PAFAH1B1: variants seen among roughly 807,000 people sequenced by gnomAD.
PAFAH1B1 encodes platelet-activating factor acetylhydrolase IB subunit beta.
A neutral mutation model predicts 57.5 loss-of-function variants in PAFAH1B1; 2 were observed. The observed-to-expected ratio is 0.03, with a 90% CI of 0.01 to 0.11. The LOEUF (loss-of-function observed/expected upper bound fraction) is 0.11. Ranked by LOEUF, PAFAH1B1 falls within the 10% of genes least tolerant of loss-of-function variation. The pLI, the probability that PAFAH1B1 is intolerant of heterozygous loss-of-function variation, is 1.00. For synonymous variants in PAFAH1B1, 152 were observed against 169.6 expected (o/e 0.90, Z 0.81); for missense variants, 257 against 512.0 (o/e 0.50, Z 4.81).
intron 1 of PAFAH1B1, among the ~76,000 whole-genome samples, chr17:2,631,416 A>G (rs1266474): frequency 0.02 from 2,991 of 152,122 alleles, 105 homozygotes; most frequent in East Asian, 0.15. Context: ...GATGGTTACA[A>G]AATTTGGCTA....
chr17:2,634,758 C>T (rs1482163942), intron 1 of PAFAH1B1, among the ~76,000 whole-genome samples: 4 of 152,016 alleles, frequency 2.6e-5, no homozygotes, highest in Non-Finnish European at 5.9e-5. Context: ...TTTGCTTGCT[C>T]AGCTTCGTCC....
At chr17:2,679,646 A>T (rs564415714) in intron 9 of PAFAH1B1, 1 of 154,568 alleles carries the variant, frequency 6.5e-6, no homozygotes, top group Non-Finnish European at 1.4e-5. Flanking sequence ...GGATGGATGG[A>T]TGGATGGATG....
intron 1 of PAFAH1B1, among the ~76,000 whole-genome samples, chr17:2,634,185 G>GA (rs2068592542): frequency 6.6e-6 from 1 of 151,916 alleles, no homozygotes. Context: ...GCCCACCCTG[G>GA]AGTGCAATGG....
intron 2 of PAFAH1B1, among the ~76,000 whole-genome samples, chr17:2,657,399 C>T (rs1276613126): frequency 1.3e-5 from 2 of 152,146 alleles, no homozygotes; most frequent in East Asian, 1.9e-4. Flanking sequence ...TGTCCACCGC[C>T]GTGCCCGGCT....
chr17:2,628,743 T>A (rs1170938330), intron 1 of PAFAH1B1, among the ~76,000 whole-genome samples: 1 of 152,212 alleles, frequency 6.6e-6, no homozygotes, highest in Non-Finnish European at 1.5e-5. Flanking sequence ...TGGTAATTTC[T>A]TAATTACCGT....
intron 2 of PAFAH1B1, among the ~76,000 whole-genome samples, chr17:2,652,720 A>G (rs1176430158): frequency 6.6e-6 from 1 of 152,206 alleles, no homozygotes; most frequent in Non-Finnish European, 1.5e-5. Flanking sequence ...TAGATGCCAA[A>G]TAGTTCTAGG....
At chr17:2,602,988 C>G (rs2068162517) in intron 1 of PAFAH1B1, among the ~76,000 whole-genome samples, 1 of 152,154 alleles carries the variant, frequency 6.6e-6, no homozygotes, top group African/African-American at 2.4e-5. Flanking sequence ...GCTAGGTCTT[C>G]AGTCACTTCA....
intron 2 of PAFAH1B1, among the ~76,000 whole-genome samples, chr17:2,645,283 T>C (rs2068752394): frequency 1.3e-5 from 2 of 151,780 alleles, no homozygotes; most frequent in African/African-American, 4.8e-5. Flanking sequence ...CAAAGAAAAT[T>C]TGTCTTATAA....
At chr17:2,628,200 T>C (rs2068515309) in intron 1 of PAFAH1B1, among the ~76,000 whole-genome samples, 1 of 152,226 alleles carries the variant, frequency 6.6e-6, no homozygotes, top group Non-Finnish European at 1.5e-5. Context: ...TTCATTATTA[T>C]GTTGGCTGTG....
chr17:2,634,344 C>T (rs1017506456), intron 1 of PAFAH1B1, among the ~76,000 whole-genome samples: 3 of 152,118 alleles, frequency 2.0e-5, no homozygotes, highest in Non-Finnish European at 4.4e-5. Context: ...GCCATGTTGG[C>T]CAGGCTGGTC....
intron 1 of PAFAH1B1, among the ~76,000 whole-genome samples, chr17:2,637,197 A>C (rs1157564288): frequency 6.6e-6 from 1 of 152,138 alleles, no homozygotes; most frequent in African/African-American, 2.4e-5. Flanking sequence ...ATTTCATATC[A>C]TTTGGAGGAT....
intron 8 of PAFAH1B1, among the ~76,000 whole-genome samples, chr17:2,674,563 A>G (rs2069233500): frequency 6.6e-6 from 1 of 152,214 alleles, no homozygotes; most frequent in Admixed American, 6.5e-5. Flanking sequence ...TTATGAGATC[A>G]TCTCAATGTA....
chr17:2,679,808 T>C, intron 9 of PAFAH1B1: 1 of 286,444 alleles, frequency 3.5e-6, no homozygotes, highest in East Asian at 9.0e-5. Flanking sequence ...CCCCCAAGTA[T>C]TTTAGCATGA....
intron 1 of PAFAH1B1, among the ~76,000 whole-genome samples, chr17:2,606,067 C>T (rs9905797): frequency 0.27 from 40,728 of 152,044 alleles, 5,698 homozygotes; most frequent in Middle Eastern, 0.34. Flanking sequence ...TAAATATTGA[C>T]GATTTTGTTA....
At chr17:2,680,023 C>G (rs1423399517) in intron 9 of PAFAH1B1, 141 bp from the exon 10 acceptor site, 1 of 796,342 alleles carries the variant, frequency 1.3e-6, no homozygotes, top group Non-Finnish European at 2.1e-6. Flanking sequence ...TTTCAGTTTC[C>G]TTTAATCTAG....
At chr17:2,675,523 CTGGTG>C in intron 8 of PAFAH1B1, among the ~76,000 whole-genome samples, 1 of 151,516 alleles carries the variant, frequency 6.6e-6, no homozygotes, top group Admixed American at 6.6e-5. Context: ...AAATTTGATT[CTGGTG>C]TGGTGGCTCA....
Position 2,683,005 on chromosome 17 carries a change from A to C in PAFAH1B1, c.*1203A>C, listed in dbSNP as rs1326393218. ...AGTCCTGGGTTTTTGAAAAAGTGCT[A>C]AAACGGACAAGTAGAATAAATGTTG... is the stretch of plus-strand genomic sequence containing the variant. On this transcript the variant is annotated 3_prime_UTR_variant, in exon 11 of 11. Coordinates refer to ENST00000397195, the MANE Select transcript of PAFAH1B1 (RefSeq NM_000430.4). 1 of 152,612 alleles carries C rather than the reference A, an allele frequency of 6.6e-6. No homozygotes were observed. The highest frequency in any genetic ancestry group is 1.5e-5 in the Non-Finnish European group (1 of 68,044). The allele number at this position is 152,612 out of a possible 1,614,324, so 9.5% of individuals were successfully genotyped here.
rs1486852377 is a variant in PAFAH1B1 at position 2,672,635 on chromosome 17, A to G, written c.569-20A>G. 1.4e-6 allele frequency: 2 copies of G among 1,463,988 alleles called. No individual in the cohort carries two copies. Among genetic ancestry groups the G allele is most frequent in the Non-Finnish European group, 1.9e-6 (2 of 1,043,198 alleles). The allele number at this position is 1,463,988 out of a possible 1,614,324, so 90.7% of individuals were successfully genotyped here. A position where few individuals can be genotyped will look rare whatever the true frequency, so the allele number is the denominator to read the frequency against. ...TTGGTGGTATATTACTTCATAATATATTGCTGTTATGTGTTTTAGGCCATG... is the reference window on the plus strand; with the variant it reads ...TTGGTGGTATATTACTTCATAATATGTTGCTGTTATGTGTTTTAGGCCATG... On this transcript the variant is annotated intron_variant, in intron 6 of 10. Transcript: ENST00000397195.
chr17:2,615,728 C>G (rs1028310735), intron 1 of PAFAH1B1, among the ~76,000 whole-genome samples: 2 of 151,822 alleles, frequency 1.3e-5, no homozygotes, highest in Non-Finnish European at 2.9e-5. Flanking sequence ...CGTGAGCCAC[C>G]GCGCCCAGCC....
Sources: gnomAD v4.1 joint callset for allele counts (sites outside exome capture counted in the v4.1 genomes callset) on GRCh38, gnomAD v4.1.1 for gene constraint, MANE v1.5 for transcripts, NCBI Gene and HGNC (gene_info 2026-07-23, HGNC 2026-07-21) for gene names.